Variants in CD164 observed in about 807,000 individuals in gnomAD.
CD164 encodes sialomucin core protein 24.
In CD164, 11 loss-of-function variants were observed where a neutral mutation model predicts 24.6. The ratio of observed to expected loss-of-function variants is 0.45; its 90% confidence interval spans 0.28 to 0.74. The LOEUF is 0.74. CD164 is among the 30% of genes least tolerant of loss of function. CD164 has a pLI of 0.13. For synonymous variants in CD164, 126 were observed against 100.3 expected (o/e 1.26, Z -1.53); for missense variants, 295 against 243.7 (o/e 1.21, Z -1.40).
chr6:109,380,665 T>C (rs1771686555), intron 1 of CD164: 2 of 152,368 alleles, frequency 1.3e-5, no homozygotes, highest in East Asian at 3.9e-4. Flanking sequence ...ATGTCTGAAA[T>C]GTTCTTTACA....
chr6:109,375,773 A>C (rs1771367748), intron 4 of CD164: 1 of 286,190 alleles, frequency 3.5e-6, no homozygotes, highest in African/African-American at 2.2e-5. Flanking sequence ...TGAGAATTAT[A>C]ATTTGCTTTA....
chr6:109,377,612 C>A (rs530992229), intron 3 of CD164, among the ~76,000 whole-genome samples: 74 of 148,726 alleles, frequency 5.0e-4, no homozygotes, highest in Non-Finnish European at 8.7e-4. Context: ...GCAAACATAG[C>A]GGCTAAACTG....
rs1291807308 is a variant in CD164 at position 109,382,224 on chromosome 6, A to C, written c.155T>G (p.Leu52Arg). 1 of 1,576,640 alleles carries C rather than the reference A, an allele frequency of 6.3e-7. No individual in the cohort carries two copies. The highest frequency in any genetic ancestry group is 1.8e-5 in the Admixed American group (1 of 55,232). ...CCCACCTGGTGCCGGAGTGGTGACC[A>C]GCGGGAGGGACGTCACCGGCGCCGA... Reference protein sequence around the residue: ...VTSAPVTSLPLVTTPAPETCE... With the variant: ...VTSAPVTSLPRVTTPAPETCE... Residue 52 changes from leucine to arginine, a missense_variant, in exon 1 of 6, where the codon CTG becomes CGG. By Grantham distance (102) the Leu-to-Arg change is moderately radical (BLOSUM62 -2). Transcript: ENST00000310786.
chr6:109,380,279 T>C (rs868785128), intron 1 of CD164: 18 of 152,238 alleles, frequency 1.2e-4, no homozygotes, highest in Non-Finnish European at 4.4e-5. Context: ...TTGTCAATAG[T>C]TCATCCTAGG....
chr6:109,370,198 TG>T (rs1770999087), intron 5 of CD164, among the ~76,000 whole-genome samples: 1 of 152,336 alleles, frequency 6.6e-6, no homozygotes, highest in South Asian at 2.1e-4. Flanking sequence ...TCACGTCAAA[TG>T]TGATTACACA....
intron 4 of CD164, among the ~76,000 whole-genome samples, chr6:109,375,008 A>G (rs1029931197): frequency 5.3e-5 from 8 of 152,218 alleles, no homozygotes; most frequent in African/African-American, 1.7e-4. Flanking sequence ...GACGCATTTA[A>G]TATTGGTAAA....
chr6:109,374,562 G>C (rs369858915), intron 4 of CD164, among the ~76,000 whole-genome samples: 4 of 152,118 alleles, frequency 2.6e-5, no homozygotes, highest in Non-Finnish European at 1.5e-5. Context: ...TCTCCACAAT[G>C]CCAGAATAAG....
At position 109,368,212 on chromosome 6, in the gene CD164, T is replaced by C. The variant is rs780231015; in HGVS notation, c.*639A>G. On this transcript the variant is annotated 3_prime_UTR_variant, in exon 6 of 6. Coordinates refer to ENST00000310786, the MANE Select transcript of CD164 (RefSeq NM_006016.6). ...GTCTTCTAAGGCACTGTTCTTTATA[T>C]TCTCAATGACATAAGATGCTTTACA... The C allele has an allele frequency of 4.3e-6, 6 of 1,407,534 alleles. No homozygotes were observed. Among genetic ancestry groups the C allele is most frequent in the Non-Finnish European group, 5.8e-6 (6 of 1,040,410 alleles). The allele number at this position is 1,407,534 out of a possible 1,614,324, so 87.2% of individuals were successfully genotyped here.
chr6:109,369,714 T>C (rs1770973928), intron 5 of CD164, among the ~76,000 whole-genome samples: 1 of 152,212 alleles, frequency 6.6e-6, no homozygotes, highest in Admixed American at 6.5e-5. Flanking sequence ...ACAACTGTTT[T>C]GTATTCCTTC....
chr6:109,382,407 A>C lies in CD164; in HGVS notation c.-29T>G. 1 of 1,492,830 alleles carries C rather than the reference A, an allele frequency of 6.7e-7. No individual in the cohort carries two copies. Among genetic ancestry groups the C allele is most frequent in the Non-Finnish European group, 8.9e-7 (1 of 1,120,260 alleles). 92.5% of individuals were successfully genotyped at this position (1,492,830 alleles called of 1,614,324 possible). ...GTCCTCAGCGCTGGCGTTCGGGAGA[A>C]AGCTAAGGCTCGCAACGCTCAGTCA... On this transcript the variant is annotated 5_prime_UTR_variant, in exon 1 of 6. Coordinates refer to ENST00000310786, the MANE Select transcript of CD164 (RefSeq NM_006016.6).
intron 4 of CD164, among the ~76,000 whole-genome samples, chr6:109,374,933 T>C (rs1372016753): frequency 1.3e-5 from 2 of 152,250 alleles, no homozygotes; most frequent in Non-Finnish European, 2.9e-5. Flanking sequence ...GATCTTTCAT[T>C]GTTCCTACAG....
In CD164 at chr6:109,382,330, C is replaced by T. The variant is rs1310213121; in HGVS notation, c.49G>A (p.Val17Met). The T allele has an allele frequency of 6.4e-7, 1 of 1,570,574 alleles. No individual in the cohort carries two copies. Among genetic ancestry groups the T allele is most frequent in the Non-Finnish European group, 8.6e-7 (1 of 1,162,882 alleles). ...TTGTCCGCGGACAGCACGCAGAGCA[C>T]GCCCAGGCAGGTGGCGGCCCAAAGC... ...SLLWAATCLG[V>M]LCVLSADKNT... Residue 17 changes from valine to methionine, a missense_variant, in exon 1 of 6, where the codon GTG (valine) becomes ATG (methionine). Val to Met is a conservative substitution (Grantham distance 21, BLOSUM62 1). Transcript: ENST00000310786.
At chr6:109,381,543 G>C (rs1004449766) in intron 1 of CD164, 4 of 702,538 alleles carry the variant, frequency 5.7e-6, no homozygotes, top group Non-Finnish European at 1.0e-5. Flanking sequence ...AAAACACCCG[G>C]TACATACATG....
rs1463373684 is a variant in CD164 at position 109,367,993 on chromosome 6, GC to G, written c.*857del. 8.3e-6 allele frequency: 2 copies of G among 240,430 alleles called. No homozygotes were observed. Among genetic ancestry groups the G allele is most frequent in the Non-Finnish European group, 1.6e-5 (2 of 125,484 alleles). 14.9% of individuals were successfully genotyped at this position (240,430 alleles called of 1,614,324 possible). A position where few individuals can be genotyped will look rare whatever the true frequency, so the allele number is the denominator to read the frequency against. On this transcript the variant is annotated 3_prime_UTR_variant, in exon 6 of 6. Transcript: ENST00000310786. The stretch of plus-strand genomic sequence containing the variant: ...ATGTTGGGAGGTTCAAGATACGAAG[GC>G]TTTCAATTCTGTATAACAGACTTTA...
Position 109,366,583 on chromosome 6 carries a change from T to G in CD164, c.*2268A>C, listed in dbSNP as rs957241598. On this transcript the variant is annotated 3_prime_UTR_variant, in exon 6 of 6. Transcript: ENST00000310786. ...ATGATACAGATTGGTTTTGCAGTTTTTAATGAACTGAAATAGAAATGTCTA... is the reference window on the plus strand; with the variant it reads ...ATGATACAGATTGGTTTTGCAGTTTGTAATGAACTGAAATAGAAATGTCTA... The G allele has an allele frequency of 1.3e-5, 2 of 152,648 alleles. No homozygotes were observed. Among genetic ancestry groups the G allele is most frequent in the Non-Finnish European group, 2.9e-5 (2 of 68,038 alleles). 9.5% of individuals were successfully genotyped at this position (152,648 alleles called of 1,614,324 possible).
In CD164 at chr6:109,368,812, C is replaced by A; in HGVS notation, c.*39G>T. Reference sequence around the variant, plus strand: ...AGTATTTTGGCTTCAGTGAGTTACACAAATGAATCACCAGTCCTTATTAAT... The same window carrying A: ...AGTATTTTGGCTTCAGTGAGTTACAAAAATGAATCACCAGTCCTTATTAAT... On this transcript the variant is annotated 3_prime_UTR_variant, in exon 6 of 6. Transcript: ENST00000310786. The A allele has an allele frequency of 6.3e-7, 1 of 1,576,480 alleles. No individual in the cohort carries two copies. Among genetic ancestry groups the A allele is most frequent in the East Asian group, 2.3e-5 (1 of 44,290 alleles).
In CD164 at chr6:109,367,773, G is replaced by A. The variant is rs959142432; in HGVS notation, c.*1078C>T. 2.0e-5 allele frequency: 3 copies of A among 152,508 alleles called. No individual in the cohort carries two copies. The highest frequency in any genetic ancestry group is 4.4e-5 in the Non-Finnish European group (3 of 68,000). The allele number at this position is 152,508 out of a possible 1,614,324, so 9.4% of individuals were successfully genotyped here. A position where few individuals can be genotyped will look rare whatever the true frequency, so the allele number is the denominator to read the frequency against. ...AAAATAAATGATTCTAAAATAATAT[G>A]ATTGTCTCATTTAAATAGTAAATGA... On this transcript the variant is annotated 3_prime_UTR_variant, in exon 6 of 6. Coordinates refer to ENST00000310786, the MANE Select transcript of CD164 (RefSeq NM_006016.6).
chr6:109,381,704 C>CTA, intron 1 of CD164: 1 of 637,398 alleles, frequency 1.6e-6, no homozygotes, highest in Non-Finnish European at 2.8e-6. Context: ...CACGAACGAG[C>CTA]ATTACCGTCT....
chr6:109,375,743 AT>A (rs1420597627), intron 4 of CD164: 1 of 236,468 alleles, frequency 4.2e-6, no homozygotes, highest in Non-Finnish European at 8.0e-6. Flanking sequence ...CACTGAAAAC[AT>A]TTTGGTTGCT....
Sources: allele counts gnomAD v4.1 joint callset (sites outside exome capture counted in the v4.1 genomes callset), GRCh38; gene constraint gnomAD v4.1.1; transcripts MANE v1.5; gene names NCBI Gene and HGNC (gene_info 2026-07-23, HGNC 2026-07-21).